CAMK1D: variants seen among roughly 807,000 people sequenced by gnomAD.
CAMK1D encodes the protein calcium/calmodulin-dependent protein kinase type 1D.
Under a neutral mutation model 47.7 loss-of-function variants are expected in CAMK1D, and 9 were observed. That is an observed-to-expected ratio of 0.19 (90% CI 0.11 to 0.33). The LOEUF is 0.33. Ranked by LOEUF, CAMK1D falls within the 10% of genes least tolerant of loss-of-function variation. CAMK1D has a pLI of 1.00. For missense variants in CAMK1D, 291 were observed against 488.7 expected (o/e 0.60, Z 3.81); for synonymous variants, 184 against 184.9 (o/e 0.99, Z 0.04).
At chr10:12,483,277 C>T (rs1834117314) in intron 1 of CAMK1D, among the ~76,000 whole-genome samples, 1 of 152,084 alleles carries the variant, frequency 6.6e-6, no homozygotes, top group South Asian at 2.1e-4. Flanking sequence ...TCATAGCTCA[C>T]TGCAGCCTCA....
At chr10:12,691,248 G>A (rs1832865572) in intron 3 of CAMK1D, among the ~76,000 whole-genome samples, 1 of 151,434 alleles carries the variant, frequency 6.6e-6, no homozygotes, top group Non-Finnish European at 1.5e-5. Context: ...GTAGGAAATA[G>A]GAAGGCAGCC....
At chr10:12,626,322 A>G (rs1410451046) in intron 2 of CAMK1D, among the ~76,000 whole-genome samples, 1 of 152,130 alleles carries the variant, frequency 6.6e-6, no homozygotes, top group Non-Finnish European at 1.5e-5. Flanking sequence ...ATCAATATAC[A>G]TAGTTTTGAA....
chr10:12,714,895 C>T (rs1369697721), intron 3 of CAMK1D, among the ~76,000 whole-genome samples: 2 of 151,734 alleles, frequency 1.3e-5, no homozygotes, highest in African/African-American at 4.8e-5. Flanking sequence ...GATGTTTACT[C>T]GCATAGAATG....
At chr10:12,667,024 G>T in intron 3 of CAMK1D, 1 of 519,994 alleles carries the variant, frequency 1.9e-6, no homozygotes, top group Non-Finnish European at 3.4e-6. Flanking sequence ...TGCACTGCTG[G>T]GCTGGACTGA....
intron 3 of CAMK1D, among the ~76,000 whole-genome samples, chr10:12,755,730 T>TTAATAA (rs558630434): frequency 2.6e-5 from 4 of 151,870 alleles, no homozygotes; most frequent in Non-Finnish European, 4.4e-5. Context: ...CCCTAAAACT[T>TTAATAA]TAATAATAAT....
At chr10:12,661,171 C>G (rs1458858334) in intron 2 of CAMK1D, among the ~76,000 whole-genome samples, 1 of 152,178 alleles carries the variant, frequency 6.6e-6, no homozygotes, top group Non-Finnish European at 1.5e-5. Context: ...AGCACATCCA[C>G]TAGATTCAAG....
rs1272728190 is a variant in CAMK1D at position 12,833,982 on chromosome 10, C to T, written c.*5095C>T. On this transcript the variant is annotated 3_prime_UTR_variant, in exon 11 of 11. Transcript: ENST00000619168. ...TGATCCACCACCCTTTTGAGGGGCA[C>T]CTGGTCCTCGGTTGGGGCTGCAGGT... is the stretch of plus-strand genomic sequence containing the variant. The T allele has an allele frequency of 6.6e-6, 1 of 151,480 alleles. No homozygotes were observed. The highest frequency in any genetic ancestry group is 2.1e-4 in the South Asian group (1 of 4,790). The allele number at this position is 151,480 out of a possible 1,614,324, so 9.4% of individuals were successfully genotyped here.
At chr10:12,591,098 G>A (rs962434957) in intron 2 of CAMK1D, among the ~76,000 whole-genome samples, 4 of 151,964 alleles carry the variant, frequency 2.6e-5, no homozygotes, top group African/African-American at 7.3e-5. Flanking sequence ...TCTTTATGCC[G>A]CTTTCAAGAA....
At chr10:12,629,334 A>G (rs1050414146) in intron 2 of CAMK1D, among the ~76,000 whole-genome samples, 2 of 152,238 alleles carry the variant, frequency 1.3e-5, no homozygotes, top group Non-Finnish European at 2.9e-5. Flanking sequence ...AACTATGACT[A>G]TGCAATCAAC....
At chr10:12,608,542 GC>G (rs1387759835) in intron 2 of CAMK1D, among the ~76,000 whole-genome samples, 1 of 152,174 alleles carries the variant, frequency 6.6e-6, no homozygotes, top group Non-Finnish European at 1.5e-5. Context: ...TGTCACTCAG[GC>G]ACTGGCAGGA....
intron 2 of CAMK1D, among the ~76,000 whole-genome samples, chr10:12,596,421 G>T (rs532831300): frequency 6.6e-6 from 1 of 152,112 alleles, no homozygotes; most frequent in African/African-American, 2.4e-5. Context: ...AGGTTAGTTG[G>T]CAGTTTCTGA....
intron 1 of CAMK1D, among the ~76,000 whole-genome samples, chr10:12,384,868 A>G (rs757981093): frequency 2.4e-4 from 36 of 152,358 alleles, no homozygotes; most frequent in Middle Eastern, 3.4e-3. Context: ...AGAGTGGGAA[A>G]TGCGTTTTGA....
chr10:12,395,946 G>C (rs1434734999), intron 1 of CAMK1D, among the ~76,000 whole-genome samples: 1 of 151,274 alleles, frequency 6.6e-6, no homozygotes, highest in Non-Finnish European at 1.5e-5. Flanking sequence ...AAAACAAAAG[G>C]GTTGTTAACC....
chr10:12,490,511 G>T (rs1298317722), intron 1 of CAMK1D, among the ~76,000 whole-genome samples: 1 of 152,176 alleles, frequency 6.6e-6, no homozygotes, highest in African/African-American at 2.4e-5. Context: ...TAAAGTGATA[G>T]AATTAGGGCA....
At chr10:12,470,724 C>T (rs1376086711) in intron 1 of CAMK1D, among the ~76,000 whole-genome samples, 1 of 152,146 alleles carries the variant, frequency 6.6e-6, no homozygotes, top group Non-Finnish European at 1.5e-5. Flanking sequence ...ACCATGTTGG[C>T]CAGGCTGGTC....
At chr10:12,590,229 A>G (rs2132359348) in intron 2 of CAMK1D, among the ~76,000 whole-genome samples, 1 of 151,170 alleles carries the variant, frequency 6.6e-6, no homozygotes, top group South Asian at 2.1e-4. Context: ...TTTATTTTTT[A>G]TTTTTAGAGA....
At chr10:12,576,010 T>G (rs907711085) in intron 2 of CAMK1D, among the ~76,000 whole-genome samples, 1 of 152,220 alleles carries the variant, frequency 6.6e-6, no homozygotes, top group Non-Finnish European at 1.5e-5. Flanking sequence ...TAAAACAATT[T>G]AGTAACAATA....
At chr10:12,531,597 T>G (rs567709339) in intron 1 of CAMK1D, among the ~76,000 whole-genome samples, 1 of 152,174 alleles carries the variant, frequency 6.6e-6, no homozygotes, top group Non-Finnish European at 1.5e-5. Context: ...GTGGAACGGA[T>G]CCAAACCACG....
intron 1 of CAMK1D, among the ~76,000 whole-genome samples, chr10:12,360,841 T>G (rs1398008902): frequency 6.6e-6 from 1 of 152,172 alleles, no homozygotes; most frequent in African/African-American, 2.4e-5. Context: ...GGGAGGCTGC[T>G]GTGTCGCTGC....
Sources: allele counts gnomAD v4.1 joint callset (sites outside exome capture counted in the v4.1 genomes callset), GRCh38; gene constraint gnomAD v4.1.1; transcripts MANE v1.5; gene names NCBI Gene and HGNC (gene_info 2026-07-23, HGNC 2026-07-21).